The following GRIN2A variants were observed in gnomAD, a reference collection of about 807,000 sequenced individuals.
The protein encoded by GRIN2A is glutamate receptor ionotropic, NMDA 2A.
A neutral mutation model predicts 113.4 loss-of-function variants in GRIN2A; 22 were observed. That is an observed-to-expected ratio of 0.19 (90% CI 0.14 to 0.28). GRIN2A has a LOEUF of 0.28. Among genes scored for constraint, GRIN2A ranks in the 10% least tolerant of loss-of-function variants. The pLI, the probability that GRIN2A is intolerant of heterozygous loss-of-function variation, is 1.00. For missense variants in GRIN2A, 1,502 were observed against 1,887.0 expected (o/e 0.80, Z 3.78); for synonymous variants, 827 against 738.4 (o/e 1.12, Z -1.94).
At chr16:9,959,412 G>A (rs1240208567) in intron 2 of GRIN2A, among the ~76,000 whole-genome samples, 1 of 152,136 alleles carries the variant, frequency 6.6e-6, no homozygotes, top group African/African-American at 2.4e-5. Context: ...CTCATAATAG[G>A]CTTGTAGGTT....
At chr16:9,806,607 A>G (rs1460680564) in intron 10 of GRIN2A, among the ~76,000 whole-genome samples, 3 of 152,108 alleles carry the variant, frequency 2.0e-5, no homozygotes, top group Non-Finnish European at 4.4e-5. Flanking sequence ...TCCAGATGGA[A>G]GGAGGTACCA....
chr16:9,975,131 G>A (rs778422795), intron 2 of GRIN2A, among the ~76,000 whole-genome samples: 1 of 152,162 alleles, frequency 6.6e-6, no homozygotes, highest in South Asian at 2.1e-4. Context: ...CTATTGAGAT[G>A]AGAGGTATAG....
rs139437945 is a variant in GRIN2A at position 10,028,311 on chromosome 16, T to C, written c.415-89760A>G. On this transcript the variant is annotated intron_variant, in intron 2 of 12. Coordinates refer to ENST00000330684, the MANE Select transcript of GRIN2A (RefSeq NM_001134407.3). ...ATTCAAATGCAGGTATCTGGCATAG[T>C]AGGGAAAGAGCATGGTGGTGATGGC... Among the ~76,000 whole-genome samples, 109 of 152,248 alleles carry C rather than the reference T, an allele frequency of 7.2e-4. 1 individual carries two copies. The highest frequency in any genetic ancestry group is 2.4e-3 in the African/African-American group (98 of 41,548).
intron 2 of GRIN2A, among the ~76,000 whole-genome samples, chr16:10,058,410 T>C (rs1238646132): frequency 6.6e-6 from 1 of 152,240 alleles, no homozygotes; most frequent in African/African-American, 2.4e-5. Context: ...TATGTCGGTA[T>C]TAACATGCTA....
At chr16:10,048,667 C>G (rs1567261354) in intron 2 of GRIN2A, among the ~76,000 whole-genome samples, 2 of 152,164 alleles carry the variant, frequency 1.3e-5, no homozygotes, top group African/African-American at 2.4e-5. Flanking sequence ...TCTGTGCCCT[C>G]CAGAAATGAG....
intron 2 of GRIN2A, among the ~76,000 whole-genome samples, chr16:10,064,582 C>T (rs1221028147): frequency 6.6e-6 from 1 of 152,224 alleles, no homozygotes; most frequent in Non-Finnish European, 1.5e-5. Context: ...CCTTGATAAA[C>T]ATTTTTAACC....
At chr16:10,025,687 G>A (rs1302764891) in intron 2 of GRIN2A, among the ~76,000 whole-genome samples, 3 of 152,194 alleles carry the variant, frequency 2.0e-5, no homozygotes, top group African/African-American at 7.2e-5. Context: ...TTTTCCCAGA[G>A]ATGAAAATAA....
intron 2 of GRIN2A, among the ~76,000 whole-genome samples, chr16:10,019,262 G>A (rs2046671136): frequency 6.6e-6 from 1 of 152,118 alleles, no homozygotes; most frequent in African/African-American, 2.4e-5. Context: ...CACAGTGTCT[G>A]GCATGTGACA....
intron 3 of GRIN2A, among the ~76,000 whole-genome samples, chr16:9,931,156 C>A (rs1310642040): frequency 6.6e-6 from 1 of 152,124 alleles, no homozygotes; most frequent in Non-Finnish European, 1.5e-5. Flanking sequence ...AGTGCAGTAA[C>A]TTCTCCATGT....
At chr16:10,119,342 A>G (rs2048788295) in intron 2 of GRIN2A, among the ~76,000 whole-genome samples, 2 of 152,202 alleles carry the variant, frequency 1.3e-5, no homozygotes, top group African/African-American at 2.4e-5. Context: ...CTTTGCTGTT[A>G]CTCAAAGCCA....
At chr16:10,095,081 G>C (rs1356101048) in intron 2 of GRIN2A, among the ~76,000 whole-genome samples, 3 of 152,058 alleles carry the variant, frequency 2.0e-5, no homozygotes, top group African/African-American at 7.2e-5. Context: ...AGGAAGAAGA[G>C]AGATTTCTCT....
rs914390363 is a variant in GRIN2A at position 9,760,915 on chromosome 16, T to C, written c.*2234A>G. 1 of 232,438 alleles carries C rather than the reference T, an allele frequency of 4.3e-6. No individual in the cohort carries two copies. The highest frequency in any genetic ancestry group is 8.5e-6 in the Non-Finnish European group (1 of 117,656). 14.4% of individuals were successfully genotyped at this position (232,438 alleles called of 1,614,324 possible). A position where few individuals can be genotyped will look rare whatever the true frequency, so the allele number is the denominator to read the frequency against. On this transcript the variant is annotated 3_prime_UTR_variant, in exon 13 of 13. Transcript: ENST00000330684. ...AAAGGGCTAAAAGGCTACACAGTCA[T>C]GGAGATTCAGATTTAGGATCAGATG...
intron 2 of GRIN2A, among the ~76,000 whole-genome samples, chr16:10,119,086 A>G (rs2048781846): frequency 6.6e-6 from 1 of 152,200 alleles, no homozygotes; most frequent in Admixed American, 6.5e-5. Flanking sequence ...CCATTACATC[A>G]GCAGGAAGCA....
intron 2 of GRIN2A, among the ~76,000 whole-genome samples, chr16:10,130,407 T>G (rs976799525): frequency 6.6e-6 from 1 of 152,242 alleles, no homozygotes; most frequent in Non-Finnish European, 1.5e-5. Context: ...TGAGCAGATC[T>G]TTGGGCTCAA....
intron 2 of GRIN2A, among the ~76,000 whole-genome samples, chr16:9,982,308 ACTTT>A (rs1181940811): frequency 6.6e-6 from 1 of 152,158 alleles, no homozygotes; most frequent in Non-Finnish European, 1.5e-5. Context: ...TGATGTGTGT[ACTTT>A]CTTTAAAAAA....
At chr16:9,978,377 G>C (rs1267422439) in intron 2 of GRIN2A, among the ~76,000 whole-genome samples, 2 of 152,180 alleles carry the variant, frequency 1.3e-5, no homozygotes, top group African/African-American at 4.8e-5. Flanking sequence ...TTCGAGAAAG[G>C]TGATAATTCC....
chr16:9,771,482 A>T (rs945217972), intron 11 of GRIN2A, among the ~76,000 whole-genome samples: 4 of 152,060 alleles, frequency 2.6e-5, no homozygotes, highest in African/African-American at 9.6e-5. Context: ...ATAGTTTGTT[A>T]TATAAAGTTT....
intron 2 of GRIN2A, among the ~76,000 whole-genome samples, chr16:9,940,477 T>C (rs371830786): frequency 1.8e-4 from 27 of 152,296 alleles, no homozygotes; most frequent in East Asian, 1.5e-3. Context: ...TTAAATCACA[T>C]CTCAACAAGA....
At chr16:10,028,537 G>A (rs1339458306) in intron 2 of GRIN2A, among the ~76,000 whole-genome samples, 1 of 152,132 alleles carries the variant, frequency 6.6e-6, no homozygotes, top group Non-Finnish European at 1.5e-5. Flanking sequence ...TGGATTTTCT[G>A]GCTGCTTGCA....
Sources: allele counts gnomAD v4.1 joint callset (sites outside exome capture counted in the v4.1 genomes callset), GRCh38; gene constraint gnomAD v4.1.1; transcripts MANE v1.5; gene names NCBI Gene and HGNC (gene_info 2026-07-23, HGNC 2026-07-21).